Variants in SMYD3 observed in about 807,000 individuals in gnomAD.
The protein encoded by SMYD3 is SET and MYND domain containing 3, also known as histone-lysine N-methyltransferase SMYD3.
In SMYD3, 36 loss-of-function variants were observed where a neutral mutation model predicts 57.7. That is an observed-to-expected ratio of 0.62 (90% CI 0.48 to 0.82). SMYD3 has a LOEUF of 0.82. Among genes scored for constraint, SMYD3 ranks in the 40% least tolerant of loss-of-function variants. The probability of loss-of-function intolerance (pLI) is 0.00; values close to 1 mark genes in which losing one functional copy is unlikely to be tolerated. For missense variants in SMYD3, 515 were observed against 538.8 expected (o/e 0.96, Z 0.44); for synonymous variants, 211 against 195.0 (o/e 1.08, Z -0.68).
chr1:246,455,299 T>C (rs1218256563), intron 1 of SMYD3, among the ~76,000 whole-genome samples: 4 of 152,180 alleles, frequency 2.6e-5, no homozygotes, highest in South Asian at 2.1e-4. Flanking sequence ...ACCACCACAT[T>C]TGCTTATAAG....
At chr1:246,044,477 T>C (rs554085058) in intron 5 of SMYD3, among the ~76,000 whole-genome samples, 5 of 152,296 alleles carry the variant, frequency 3.3e-5, no homozygotes, top group Non-Finnish European at 7.4e-5. Flanking sequence ...AATGGGTTGT[T>C]TGGGCAAGAA....
rs113415616 is a variant in SMYD3 at position 246,149,053 on chromosome 1, T to C, written c.531+178148A>G. The stretch of plus-strand genomic sequence containing the variant: ...AAGGAGTAGACGCCTCATTTGAGAA[T>C]CATTTCTCGAAAGAAAATTCTAGAA... On this transcript the variant is annotated intron_variant, in intron 5 of 11. Transcript: ENST00000490107. 1.6e-3 allele frequency among the ~76,000 whole-genome samples: 240 copies of C among 152,296 alleles called. 1 individual carries two copies. The highest frequency in any genetic ancestry group is 5.3e-3 in the African/African-American group (222 of 41,550).
At chr1:246,462,120 C>G (rs1013782225) in intron 1 of SMYD3, among the ~76,000 whole-genome samples, 8 of 152,116 alleles carry the variant, frequency 5.3e-5, no homozygotes, top group African/African-American at 1.9e-4. Context: ...AACACTTTTA[C>G]GTGTGTGGAG....
At chr1:246,358,203 T>C (rs966318906) in intron 1 of SMYD3, among the ~76,000 whole-genome samples, 1 of 151,976 alleles carries the variant, frequency 6.6e-6, no homozygotes, top group Non-Finnish European at 1.5e-5. Flanking sequence ...CAAAAGCAGT[T>C]AAACAAAACA....
chr1:246,326,988 T>A (rs1572384660), intron 5 of SMYD3: 2 of 567,882 alleles, frequency 3.5e-6, no homozygotes, highest in East Asian at 6.1e-5. Context: ...ACTCAGGCAA[T>A]AACAAGAATA....
chr1:245,902,036 G>A (rs988161365), intron 8 of SMYD3, among the ~76,000 whole-genome samples: 2 of 152,106 alleles, frequency 1.3e-5, no homozygotes, highest in Non-Finnish European at 2.9e-5. Flanking sequence ...ACCATTTTAA[G>A]AGCCCAGCAA....
intron 5 of SMYD3, among the ~76,000 whole-genome samples, chr1:245,934,701 C>T (rs67864007): frequency 0.049 from 7,474 of 152,112 alleles, 444 homozygotes; most frequent in African/African-American, 0.15. Context: ...CCAGAATCCA[C>T]AAAGTGTTAC....
intron 1 of SMYD3, among the ~76,000 whole-genome samples, chr1:246,437,455 A>C (rs934246531): frequency 3.3e-5 from 5 of 152,170 alleles, no homozygotes; most frequent in Non-Finnish European, 4.4e-5. Flanking sequence ...CTTTCCCTAC[A>C]TCTGTCTCTT....
chr1:246,454,728 C>T (rs948317368), intron 1 of SMYD3, among the ~76,000 whole-genome samples: 1 of 152,128 alleles, frequency 6.6e-6, no homozygotes, highest in African/African-American at 2.4e-5. Context: ...AGTCACTGTG[C>T]TAGGCTTTTA....
chr1:245,880,427 A>G (rs1387931808), intron 8 of SMYD3, among the ~76,000 whole-genome samples: 2 of 152,062 alleles, frequency 1.3e-5, no homozygotes, highest in Admixed American at 6.5e-5. Flanking sequence ...GCCTTGAATC[A>G]CTCCTTGGTA....
intron 5 of SMYD3, among the ~76,000 whole-genome samples, chr1:246,015,351 T>G (rs189476876): frequency 2.6e-4 from 40 of 152,278 alleles, no homozygotes; most frequent in African/African-American, 8.4e-4. Flanking sequence ...TCCAACAATC[T>G]CAGGAAAGTT....
At chr1:246,016,538 A>G (rs1572895594) in intron 5 of SMYD3, among the ~76,000 whole-genome samples, 1 of 152,256 alleles carries the variant, frequency 6.6e-6, no homozygotes, top group East Asian at 1.9e-4. Context: ...AGCCGAGATC[A>G]TGCCACTGCT....
intron 5 of SMYD3, among the ~76,000 whole-genome samples, chr1:246,094,924 T>C (rs1460634576): frequency 6.6e-6 from 1 of 152,124 alleles, no homozygotes; most frequent in Admixed American, 6.6e-5. Flanking sequence ...TGGCGGACTT[T>C]CCTCTTCTGT....
At chr1:246,040,638 C>T (rs547846169) in intron 5 of SMYD3, among the ~76,000 whole-genome samples, 220 of 152,212 alleles carry the variant, frequency 1.4e-3, no homozygotes, top group Non-Finnish European at 2.5e-3. Context: ...CAGTAGTTAC[C>T]GACTCCATTC....
rs1018606503 is a variant in SMYD3, at chr1:245,797,667, A to G, written c.1077-33518T>C. Among the ~76,000 whole-genome samples the G allele has an allele frequency of 3.2e-4, 49 of 152,074 alleles. 2 individuals carry two copies. The highest frequency in any genetic ancestry group is 6.8e-3 in the Middle Eastern group (2 of 294). On this transcript the variant is annotated intron_variant, in intron 10 of 11. Coordinates refer to ENST00000490107, the MANE Select transcript of SMYD3 (RefSeq NM_001167740.2). ...TGTGCACATGTACCCTAGAACTTAA[A>G]GTATAATTATATATAGATAGATAGA...
At chr1:246,001,996 G>A (rs1245951150) in intron 5 of SMYD3, among the ~76,000 whole-genome samples, 1 of 152,032 alleles carries the variant, frequency 6.6e-6, no homozygotes, top group Admixed American at 6.6e-5. Flanking sequence ...CAGATACTTT[G>A]TATACTTTCC....
chr1:246,419,578 A>G (rs1375886605), intron 1 of SMYD3, among the ~76,000 whole-genome samples: 2 of 152,294 alleles, frequency 1.3e-5, no homozygotes, highest in Non-Finnish European at 2.9e-5. Flanking sequence ...CGCCCTAGCC[A>G]GGGACCATGC....
chr1:245,989,472 G>A (rs1483519246), intron 5 of SMYD3, among the ~76,000 whole-genome samples: 1 of 152,212 alleles, frequency 6.6e-6, no homozygotes. Flanking sequence ...CAGCAAAGTA[G>A]CACAAATCCA....
chr1:245,859,714 C>T lies in SMYD3; in HGVS notation c.902-1044G>A, dbSNP rs559651595. On this transcript the variant is annotated intron_variant, in intron 9 of 11. Transcript: ENST00000490107. ...TTCTCTCACTCCTGTCTCACCTTCACCCAGTGGAGCTCCAAATTCATCTGC... is the reference window on the plus strand; with the variant it reads ...TTCTCTCACTCCTGTCTCACCTTCATCCAGTGGAGCTCCAAATTCATCTGC... Among the ~76,000 whole-genome samples, 34 of 152,296 alleles carry T rather than the reference C, an allele frequency of 2.2e-4. 1 individual carries two copies. The South Asian group carries it at 6.9e-3, about 31-fold the overall frequency.
Sources: gnomAD v4.1 joint callset for allele counts (sites outside exome capture counted in the v4.1 genomes callset) on GRCh38, gnomAD v4.1.1 for gene constraint, MANE v1.5 for transcripts, NCBI Gene and HGNC (gene_info 2026-07-23, HGNC 2026-07-21) for gene names.